Variants in NECAB2 observed in about 807,000 individuals in gnomAD.
The protein encoded by NECAB2 is N-terminal EF-hand calcium binding protein 2.
Under a neutral mutation model 51.9 loss-of-function variants are expected in NECAB2, and 68 were observed. The ratio of observed to expected loss-of-function variants is 1.31; its 90% CI spans 1.08 to 1.60. The LOEUF (loss-of-function observed/expected upper bound fraction) is 1.60, where lower values mean the gene tolerates loss of function less well. NECAB2 is among the 40% of genes most tolerant of loss of function. NECAB2 has a pLI of 0.00. For synonymous variants in NECAB2, 329 were observed against 203.5 expected (o/e 1.62, Z -5.25); for missense variants, 854 against 490.3 (o/e 1.74, Z -7.00).
chr16:83,999,433 G>C (rs2084777063), intron 10 of NECAB2, among the ~76,000 whole-genome samples: 1 of 152,182 alleles, frequency 6.6e-6, no homozygotes, highest in Admixed American at 6.5e-5. Context: ...GCTCTGGTTT[G>C]TCGAGTTGGA....
intron 10 of NECAB2, among the ~76,000 whole-genome samples, chr16:84,000,390 G>C (rs550651055): frequency 1.3e-5 from 2 of 151,312 alleles, no homozygotes; most frequent in African/African-American, 4.9e-5. Context: ...GAATTAGGCC[G>C]AGTGGTGCAC....
At position 83,981,154 on chromosome 16, in the gene NECAB2, G is replaced by GTCCAGGGCTCCAGGGC. The variant is rs58292318; in HGVS notation, c.459+40_459+41insGGCTCCAGGGCTCCAG. The GTCCAGGGCTCCAGGGC allele has an allele frequency of 8.3e-6, 13 of 1,571,418 alleles. No individual in the cohort carries two copies. The Admixed American group carries it at 8.4e-5, about 10-fold the overall frequency. ...TCAGTGGGTGTAGGTGGCCCCCGGG[G>GTCCAGGGCTCCAGGGC]TCCAGGGCTCCAGTGCTGCTTCAGT... On this transcript the variant is annotated intron_variant, in intron 5 of 12. Coordinates refer to ENST00000305202, the MANE Select transcript of NECAB2 (RefSeq NM_019065.3).
At chr16:83,983,710 G>C (rs1318911639) in intron 5 of NECAB2, among the ~76,000 whole-genome samples, 3 of 152,078 alleles carry the variant, frequency 2.0e-5, no homozygotes, top group Admixed American at 1.3e-4. Flanking sequence ...TCACATTACT[G>C]AGTCCTTGTC....
At chr16:83,970,159 G>T (rs2084333214) in intron 1 of NECAB2, among the ~76,000 whole-genome samples, 1 of 152,180 alleles carries the variant, frequency 6.6e-6, no homozygotes, top group South Asian at 2.1e-4. Flanking sequence ...CAGGGTGGGG[G>T]CTCTGAGGTT....
upstream of NECAB2, chr16:83,966,063 C>G (rs1317611060): frequency 1.5e-6 from 2 of 1,326,820 alleles, no homozygotes; most frequent in African/African-American, 3.0e-5. Flanking sequence ...TGACCACATC[C>G]CTGCTGGATG....
At position 83,990,321 on chromosome 16, in the gene NECAB2, C is replaced by T. The variant is rs376219475; in HGVS notation, c.460-173C>T. Among the ~76,000 whole-genome samples the T allele has an allele frequency of 4.2e-4, 64 of 152,300 alleles. 1 individual carries two copies. The South Asian group carries it at 6.4e-3, about 15-fold the overall frequency. On this transcript the variant is annotated intron_variant, in intron 5 of 12. Transcript: ENST00000305202. Reference sequence around the variant, plus strand: ...TTGGTCTCTAAACCTCTAGCCTCTGCGTTGGAAATGCTACAGCCTCTAAGA... The same window carrying T: ...TTGGTCTCTAAACCTCTAGCCTCTGTGTTGGAAATGCTACAGCCTCTAAGA...
chr16:83,999,771 G>A (rs988117017), intron 10 of NECAB2, among the ~76,000 whole-genome samples: 4 of 152,120 alleles, frequency 2.6e-5, no homozygotes, highest in African/African-American at 7.2e-5. Context: ...CCTCCCCTCA[G>A]CCTCCTTTGG....
chr16:83,993,888 C>G (rs1475228703), intron 6 of NECAB2, among the ~76,000 whole-genome samples: 2 of 152,108 alleles, frequency 1.3e-5, no homozygotes, highest in African/African-American at 2.4e-5. Context: ...GTCCCCCACC[C>G]CAGAGGGCAC....
chr16:83,999,596 CG>C (rs1471445765), intron 10 of NECAB2, among the ~76,000 whole-genome samples: 2 of 152,136 alleles, frequency 1.3e-5, no homozygotes, highest in African/African-American at 4.8e-5. Context: ...TTTTGGCCCC[CG>C]CTTTATGGTC....
intron 5 of NECAB2, among the ~76,000 whole-genome samples, chr16:83,981,677 G>A (rs1165823633): frequency 1.3e-5 from 2 of 152,134 alleles, no homozygotes; most frequent in African/African-American, 2.4e-5. Context: ...TGGCTGGGAT[G>A]AGTGGGGAAA....
intron 12 of NECAB2, 52 bp downstream of exon 12, chr16:84,001,968 C>T (rs763590541): frequency 1.5e-5 from 24 of 1,576,688 alleles, no homozygotes; most frequent in Non-Finnish European, 2.0e-5. Context: ...GAGAGAAGGG[C>T]AAGAGCCTAG....
intron 5 of NECAB2, among the ~76,000 whole-genome samples, chr16:83,986,590 G>C (rs182828651): frequency 2.5e-3 from 384 of 152,162 alleles, no homozygotes; most frequent in Non-Finnish European, 4.1e-3. Flanking sequence ...ATTACTCATT[G>C]CAGCCTCAAC....
chr16:83,982,406 G>A (rs963253149), intron 5 of NECAB2, among the ~76,000 whole-genome samples: 10 of 152,196 alleles, frequency 6.6e-5, no homozygotes, highest in East Asian at 1.9e-4. Flanking sequence ...GTAGAATATC[G>A]TTTGATATCC....
At chr16:83,989,886 C>G (rs1448894336) in intron 5 of NECAB2, among the ~76,000 whole-genome samples, 2 of 152,192 alleles carry the variant, frequency 1.3e-5, no homozygotes, top group African/African-American at 2.4e-5. Context: ...AGGCTCCTCT[C>G]TGGCCACCTC....
chr16:83,998,767 C>T (rs1445099408), intron 10 of NECAB2, among the ~76,000 whole-genome samples: 1 of 151,434 alleles, frequency 6.6e-6, no homozygotes, highest in African/African-American at 2.5e-5. Flanking sequence ...GAGTCGGTAG[C>T]TGAAGGGAAA....
intron 9 of NECAB2, among the ~76,000 whole-genome samples, chr16:83,997,721 C>A (rs146900156): frequency 6.6e-6 from 1 of 151,948 alleles, no homozygotes; most frequent in Non-Finnish European, 1.5e-5. Context: ...TCTCAAACTC[C>A]TATCCTCATG....
chr16:83,984,613 C>G (rs867930951), intron 5 of NECAB2, among the ~76,000 whole-genome samples: 1 of 151,990 alleles, frequency 6.6e-6, no homozygotes, highest in Non-Finnish European at 1.5e-5. Flanking sequence ...GTCTGTAGTT[C>G]CCACCTTCTT....
intron 6 of NECAB2, among the ~76,000 whole-genome samples, chr16:83,991,693 G>T (rs1226332629): frequency 6.6e-6 from 1 of 151,890 alleles, no homozygotes; most frequent in Admixed American, 6.6e-5. Context: ...GTGTCCCCCA[G>T]GCTGGAGTAC....
rs150565575 is a variant in NECAB2, at chr16:83,997,414, A to C, written c.849+145A>C. ...AGATGTCGCCCAGCGCTTGGCACCC[A>C]GACCCTGCCCTGGCACAGGAGCCAC... On this transcript the variant is annotated intron_variant, in intron 9 of 12. Transcript: ENST00000305202. The C allele has an allele frequency of 3.6e-4, 327 of 919,340 alleles. 1 individual carries two copies. The East Asian group carries it at 8.7e-3, about 25-fold the overall frequency. 56.9% of individuals were successfully genotyped at this position (919,340 alleles called of 1,614,324 possible).
Sources: allele counts gnomAD v4.1 joint callset (sites outside exome capture counted in the v4.1 genomes callset), GRCh38; gene constraint gnomAD v4.1.1; transcripts MANE v1.5; gene names NCBI Gene and HGNC (gene_info 2026-07-23, HGNC 2026-07-21).